NTRK3: variants seen among roughly 807,000 people sequenced by gnomAD.
The protein encoded by NTRK3 is neurotrophic receptor tyrosine kinase 3.
In NTRK3, 24 loss-of-function variants were observed where a neutral mutation model predicts 91.7. The ratio of observed to expected loss-of-function variants is 0.26; its 90% CI spans 0.19 to 0.37. The LOEUF (loss-of-function observed/expected upper bound fraction) is 0.37. Among genes scored for constraint, NTRK3 ranks in the 10% least tolerant of loss-of-function variants. NTRK3 has a pLI of 1.00. For missense variants in NTRK3, 880 were observed against 1,068.9 expected, an observed-to-expected ratio of 0.82 and a Z score of 2.46; for synonymous variants, 483 against 404.0, an observed-to-expected ratio of 1.20 and a Z score of -2.34.
chr15:88,174,748 G>A (rs948647476), intron 5 of NTRK3, among the ~76,000 whole-genome samples: 2 of 152,192 alleles, frequency 1.3e-5, no homozygotes, highest in Non-Finnish European at 2.9e-5. Context: ...AGCCAGGCCA[G>A]CTGTCACCTG....
intron 15 of NTRK3, among the ~76,000 whole-genome samples, chr15:87,939,456 A>C (rs1157532433): frequency 6.6e-6 from 1 of 152,256 alleles, no homozygotes; most frequent in African/African-American, 2.4e-5. Flanking sequence ...ATTTGCACCC[A>C]GGCTCTTTGA....
In NTRK3 at chr15:88,234,635, G is replaced by A. The variant is rs778355199; in HGVS notation, c.248+21271C>T. ...TCTGGGGAGCTTCTCTGCATGCCCA[G>A]CCTGGATTAAGCACCCCCTCACAGA... is the stretch of plus-strand genomic sequence containing the variant. On this transcript the variant is annotated intron_variant, in intron 3 of 18. Coordinates refer to ENST00000394480, the Ensembl canonical transcript of NTRK3. The surrounding 1 kb of genome is among the most constrained non-coding windows in gnomAD (Gnocchi z 6.1). Among the ~76,000 whole-genome samples, 6 of 152,180 alleles carry A rather than the reference G, an allele frequency of 3.9e-5. No individual in the cohort carries two copies. The highest frequency in any genetic ancestry group is 4.4e-5 in the Non-Finnish European group (3 of 68,032).
rs764653626 is a variant in NTRK3, at chr15:87,940,715, G to A, written c.1624C>T (p.Arg542Ter). 4 of 1,614,084 alleles carry A rather than the reference G, an allele frequency of 2.5e-6. No individual in the cohort carries two copies. Among genetic ancestry groups the A allele is most frequent in the Admixed American group, 1.7e-5 (1 of 60,010 alleles). Residue 542 changes from arginine to a stop codon, truncating the protein, a stop_gained, in exon 15 of 19, where the codon CGA (arginine) becomes TGA (stop). Coordinates refer to ENST00000394480, the Ensembl canonical transcript of NTRK3. LOFTEE classifies it high-confidence loss of function. ...CCAAAGGCTCCCTCACCCAGTTCTCGCTTCAGCACGATGTCTCTCCTCTTA... is the reference window on the plus strand; with the variant it reads ...CCAAAGGCTCCCTCACCCAGTTCTCACTTCAGCACGATGTCTCTCCTCTTA...
At chr15:88,208,950 G>A (rs897350316) in intron 3 of NTRK3, among the ~76,000 whole-genome samples, 33 of 152,254 alleles carry the variant, frequency 2.2e-4, no homozygotes, top group Non-Finnish European at 2.8e-4. Flanking sequence ...GCCAAGCATC[G>A]TGCCCTGAGT....
chr15:87,944,664 C>T (rs1395840726), intron 14 of NTRK3, among the ~76,000 whole-genome samples: 1 of 152,200 alleles, frequency 6.6e-6, no homozygotes, highest in Non-Finnish European at 1.5e-5. Flanking sequence ...CTTAACCCTC[C>T]ATCTTCCACT....
At chr15:88,031,853 A>C (rs1309344674) in intron 14 of NTRK3, among the ~76,000 whole-genome samples, 1 of 152,120 alleles carries the variant, frequency 6.6e-6, no homozygotes, top group Non-Finnish European at 1.5e-5. Context: ...GGGGCTGAGC[A>C]AGACCAAAAA....
At chr15:87,954,579 A>C (rs2071479980) in intron 14 of NTRK3, among the ~76,000 whole-genome samples, 2 of 152,248 alleles carry the variant, frequency 1.3e-5, no homozygotes, top group Admixed American at 6.5e-5. Context: ...TTTGGATGGA[A>C]GACCAGTCAT....
chr15:88,142,505 T>A (rs938937824), intron 6 of NTRK3, among the ~76,000 whole-genome samples: 2 of 152,338 alleles, frequency 1.3e-5, no homozygotes, highest in South Asian at 4.1e-4. Context: ...CCTCCGGTCA[T>A]CACTCTAGTG....
At chr15:87,907,380 T>C (rs1415917492) in intron 17 of NTRK3, among the ~76,000 whole-genome samples, 1 of 152,152 alleles carries the variant, frequency 6.6e-6, no homozygotes, top group Non-Finnish European at 1.5e-5. Context: ...TTAGGAGCAG[T>C]GTCAAGAAGA....
intron 17 of NTRK3, among the ~76,000 whole-genome samples, chr15:87,926,303 G>A (rs922599506): frequency 1.3e-5 from 2 of 152,220 alleles, no homozygotes; most frequent in Admixed American, 6.5e-5. Context: ...CTGTGAGTAA[G>A]TGAACATGAA....
intron 13 of NTRK3, among the ~76,000 whole-genome samples, chr15:88,047,413 T>TGCTA (rs2080322838): frequency 6.6e-6 from 1 of 152,032 alleles, no homozygotes; most frequent in Non-Finnish European, 1.5e-5. Flanking sequence ...TAGTAGTGAG[T>TGCTA]TAGCCCTGGT....
At chr15:88,054,036 G>A (rs569311194) in intron 13 of NTRK3, among the ~76,000 whole-genome samples, 7 of 152,264 alleles carry the variant, frequency 4.6e-5, no homozygotes, top group South Asian at 2.1e-4. Flanking sequence ...AAATAAAGCC[G>A]ATAATTCAAC....
intron 17 of NTRK3, chr15:87,925,425 G>T: frequency 5.7e-6 from 1 of 174,506 alleles, no homozygotes. Context: ...CACTGGGCAG[G>T]CAAGCACACG....
chr15:88,018,894 G>T (rs1011803483), intron 14 of NTRK3, among the ~76,000 whole-genome samples: 1 of 151,980 alleles, frequency 6.6e-6, no homozygotes, highest in Non-Finnish European at 1.5e-5. Flanking sequence ...AAATGTTAAT[G>T]CATTTCTTTA....
intron 17 of NTRK3, among the ~76,000 whole-genome samples, chr15:87,903,917 A>G (rs909177243): frequency 6.6e-6 from 1 of 152,202 alleles, no homozygotes; most frequent in Non-Finnish European, 1.5e-5. Context: ...CTTCACTGCA[A>G]CCAGACCCTC....
intron 13 of NTRK3, among the ~76,000 whole-genome samples, chr15:88,124,705 A>G (rs540596205): frequency 3.9e-4 from 59 of 152,292 alleles, no homozygotes; most frequent in Middle Eastern, 6.8e-3. Flanking sequence ...CATCTTCTAG[A>G]TCTAGAAAGC....
In NTRK3 at chr15:87,987,870, C is replaced by A. The variant is rs898273387; in HGVS notation, c.1585+44987G>T. 2.0e-5 allele frequency among the ~76,000 whole-genome samples: 3 copies of A among 151,436 alleles called. No individual in the cohort carries two copies. In the South Asian group the frequency reaches 6.2e-4, roughly 31 times the overall value. On this transcript the variant is annotated intron_variant, in intron 14 of 18. Transcript: ENST00000394480. ...CCAGCCTGGGTGACACAGTGAGAAT[C>A]TGTCTCAAAATAATAATAATAATAA...
chr15:87,977,982 C>T, intron 14 of NTRK3: 1 of 233,356 alleles, frequency 4.3e-6, no homozygotes, highest in East Asian at 6.1e-5. Context: ...TTTTCCCCCA[C>T]AAGCCCCCCA....
intron 14 of NTRK3, among the ~76,000 whole-genome samples, chr15:88,016,236 T>TA (rs1247030021): frequency 1.3e-5 from 2 of 152,182 alleles, no homozygotes; most frequent in African/African-American, 4.8e-5. Flanking sequence ...GTCTGTTTTC[T>TA]AAAGAGACAT....
Sources: gnomAD v4.1 joint callset for allele counts (sites outside exome capture counted in the v4.1 genomes callset) on GRCh38, gnomAD v4.1.1 for gene constraint, Gnocchi (gnomAD v3.1) non-coding constraint, MANE v1.5 for transcripts, NCBI Gene and HGNC (gene_info 2026-07-23, HGNC 2026-07-21) for gene names.